ALDH7A1: variants seen among roughly 807,000 people sequenced by gnomAD.
The protein encoded by ALDH7A1 is alpha-aminoadipic semialdehyde dehydrogenase.
ALDH7A1 carries 63 observed loss-of-function variants against 79.9 expected under a neutral mutation model. That is an observed-to-expected ratio of 0.79 (90% CI 0.64 to 0.97). ALDH7A1 has a LOEUF of 0.97. ALDH7A1 is among the 50% of genes least tolerant of loss of function. The pLI is 0.00. For synonymous variants in ALDH7A1, 240 were observed against 231.2 expected, an observed-to-expected ratio of 1.04 and a Z score of -0.34; for missense variants, 627 against 665.2, an observed-to-expected ratio of 0.94 and a Z score of 0.63.
At chr5:126,578,540 G>T (rs1040931946) in intron 5 of ALDH7A1, among the ~76,000 whole-genome samples, 61 of 151,370 alleles carry the variant, frequency 4.0e-4, no homozygotes, top group African/African-American at 1.5e-3. Context: ...CTACTTGGGA[G>T]GCTGAGGAGA....
Position 126,555,996 on chromosome 5 carries a change from TG to T in ALDH7A1, c.1027del (p.His343MetfsTer5). The T allele has an allele frequency of 6.2e-7, 1 of 1,613,470 alleles. No homozygotes were observed. The highest frequency in any genetic ancestry group is 1.3e-5 in the African/African-American group (1 of 75,024). ...ARRLFIHESI[H>X]DEVVNRLKKA... ...TTTAAGTCTGTTTACAACCTCATCA[TG>T]GATGCTTTCATGTATAAACTAAACG... is the stretch of plus-strand genomic sequence containing the variant. On this transcript the variant is annotated frameshift_variant, in exon 12 of 18. Transcript: ENST00000409134. LOFTEE classifies it high-confidence loss of function.
At chr5:126,589,786 C>T (rs1056434303) in intron 3 of ALDH7A1, among the ~76,000 whole-genome samples, 2 of 149,816 alleles carry the variant, frequency 1.3e-5, no homozygotes, top group Admixed American at 6.6e-5. Flanking sequence ...AAGTGAGGAG[C>T]GCCTCTGCTC....
intron 5 of ALDH7A1, 84 bp downstream of exon 5, chr5:126,582,767 C>A (rs1411064853): frequency 4.0e-6 from 6 of 1,517,206 alleles, no homozygotes; most frequent in East Asian, 2.3e-5. Context: ...CTCTTTTGCA[C>A]AGTCAATAGC....
intron 11 of ALDH7A1, 32 bp downstream of exon 11, chr5:126,559,208 C>A (rs751720856): frequency 6.3e-7 from 1 of 1,579,986 alleles, no homozygotes; most frequent in Non-Finnish European, 8.7e-7. Context: ...GTTTTAAGAG[C>A]AAGACAATCG....
chr5:126,546,263 T>TTAA, intron 17 of ALDH7A1, 61 bp downstream of exon 17: 1 of 1,438,098 alleles, frequency 7.0e-7, no homozygotes, highest in Non-Finnish European at 9.8e-7. Context: ...AGTAGGAAAG[T>TTAA]GTAAAAGCCC....
intron 12 of ALDH7A1, 40 bp from the exon 13 acceptor site, chr5:126,554,433 T>C: frequency 8.4e-6 from 13 of 1,546,064 alleles, no homozygotes; most frequent in African/African-American, 1.4e-5. Flanking sequence ...CATTTTGCCC[T>C]TTATGGCATC....
chr5:126,573,924 G>A (rs1750869511), intron 7 of ALDH7A1, among the ~76,000 whole-genome samples: 1 of 149,568 alleles, frequency 6.7e-6, no homozygotes, highest in Non-Finnish European at 1.5e-5. Flanking sequence ...CAGCTACTCG[G>A]GAGGCTGAGA....
At chr5:126,546,922 G>A (rs559897022) in intron 16 of ALDH7A1, among the ~76,000 whole-genome samples, 3 of 152,304 alleles carry the variant, frequency 2.0e-5, no homozygotes, top group African/African-American at 7.2e-5. Flanking sequence ...TTTCTCATGA[G>A]AGGGAAAGAA....
At chr5:126,565,117 T>G (rs1750524128) in intron 9 of ALDH7A1, among the ~76,000 whole-genome samples, 1 of 152,100 alleles carries the variant, frequency 6.6e-6, no homozygotes, top group Non-Finnish European at 1.5e-5. Flanking sequence ...ATTCTAGGCC[T>G]GGTGCGGTGG....
chr5:126,574,639 G>A (rs1014412847), intron 7 of ALDH7A1, among the ~76,000 whole-genome samples: 1 of 151,702 alleles, frequency 6.6e-6, no homozygotes, highest in African/African-American at 2.4e-5. Context: ...AGCTTGCAGT[G>A]AGCCGAGATC....
intron 9 of ALDH7A1, among the ~76,000 whole-genome samples, chr5:126,565,567 C>G (rs1301543549): frequency 1.3e-5 from 2 of 152,062 alleles, no homozygotes; most frequent in African/African-American, 4.8e-5. Context: ...TTGTTCTTTT[C>G]ACTTTTTCCT....
chr5:126,577,756 G>C (rs1376489563), intron 5 of ALDH7A1, among the ~76,000 whole-genome samples: 2 of 151,750 alleles, frequency 1.3e-5, no homozygotes, highest in African/African-American at 4.8e-5. Flanking sequence ...AGTAGAGAAG[G>C]AGTTTCACCA....
chr5:126,542,116 G>A lies in ALDH7A1; in HGVS notation c.*2849C>T, dbSNP rs2127030004. 1.5e-5 allele frequency: 2 copies of A among 135,762 alleles called. No individual in the cohort carries two copies. 8.4% of individuals were successfully genotyped at this position (135,762 alleles called of 1,614,324 possible). A position where few individuals can be genotyped will look rare whatever the true frequency, so the allele number is the denominator to read the frequency against. ...TTTCCTCCAAAACAATCATTGGCAG[G>A]AAGCTTCTGCAGGATAAGCTCCAGG... is the stretch of plus-strand genomic sequence containing the variant. On this transcript the variant is annotated 3_prime_UTR_variant, in exon 18 of 18. Coordinates refer to ENST00000409134, the MANE Select transcript of ALDH7A1 (RefSeq NM_001182.5).
rs1331857054 is a variant in ALDH7A1 at position 126,595,043 on chromosome 5, C to G, written c.156G>C (p.Glu52Asp). ...CTCCCCAGCTTCCATTATACACGCC[C>G]TCGTTTTCCTCGCGGAGCCCCAGCT... ...LKELGLREEN[E>D]GVYNGSWGGR... is the part of the protein sequence containing the mutation. The change falls in exon 1 of 18, where the codon GAG becomes GAC. Residue 52 changes from glutamate to aspartate, a missense_variant. Glu to Asp is a conservative substitution (Grantham distance 45, BLOSUM62 2). Coordinates refer to ENST00000409134, the MANE Select transcript of ALDH7A1 (RefSeq NM_001182.5). 1.9e-6 allele frequency: 3 copies of G among 1,609,386 alleles called. No homozygotes were observed. The highest frequency in any genetic ancestry group is 2.5e-6 in the Non-Finnish European group (3 of 1,178,294).
At position 126,592,649 on chromosome 5, in the gene ALDH7A1, A is replaced by G. The variant is rs1386867089; in HGVS notation, c.312+15T>C. The G allele has an allele frequency of 3.7e-6, 6 of 1,612,422 alleles. No homozygotes were observed. Among genetic ancestry groups the G allele is most frequent in the Non-Finnish European group, 5.1e-6 (6 of 1,178,582 alleles). ...GTGATCTTTTCTGAATTCTAGAAAC[A>G]AAGGCCATACTTACATCTGCCCAGA... On this transcript the variant is annotated intron_variant, in intron 3 of 17. Transcript: ENST00000409134.
Position 126,584,111 on chromosome 5 carries a change from T to C in ALDH7A1, c.313-99A>G, listed in dbSNP as rs373933692. The C allele has an allele frequency of 3.8e-6, 4 of 1,050,308 alleles. No homozygotes were observed. The South Asian group carries it at 5.2e-5, about 14-fold the overall frequency. 65.1% of individuals were successfully genotyped at this position (1,050,308 alleles called of 1,614,324 possible). A position where few individuals can be genotyped will look rare whatever the true frequency, so the allele number is the denominator to read the frequency against. On this transcript the variant is annotated intron_variant, in intron 3 of 17. Coordinates refer to ENST00000409134, the MANE Select transcript of ALDH7A1 (RefSeq NM_001182.5). ...GCTGTAAAAGAACAAATTACAATCA[T>C]ATCAAAGAAGACTTTTGATCACATC...
chr5:126,565,152 C>T (rs747410156), intron 9 of ALDH7A1, among the ~76,000 whole-genome samples: 11 of 151,878 alleles, frequency 7.2e-5, no homozygotes, highest in South Asian at 2.1e-4. Flanking sequence ...CCCAGCACTT[C>T]GGGAGGCCAA....
At position 126,552,068 on chromosome 5, in the gene ALDH7A1, C is replaced by T. The variant is rs1463447902; in HGVS notation, c.1270G>A (p.Ala424Thr). Residue 424 changes from alanine (A) to threonine (T), a missense_variant, in exon 14 of 18, where the codon GCA (alanine) becomes ACA (threonine). Transcript: ENST00000409134. ...VTGLGHDASI[A>T]HTETFAPILY... ...ATCGGAGCAAAAGTCTCTGTGTGTG[C>T]AATGGACGCATCGTGGCCAAGACCT... is the stretch of plus-strand genomic sequence containing the variant. 13 of 1,614,002 alleles carry T rather than the reference C, an allele frequency of 8.1e-6. No homozygotes were observed. Among genetic ancestry groups the T allele is most frequent in the African/African-American group, 4.0e-5 (3 of 75,024 alleles).
At chr5:126,575,861 G>C (rs113305175) in intron 6 of ALDH7A1, among the ~76,000 whole-genome samples, 230 of 152,294 alleles carry the variant, frequency 1.5e-3, no homozygotes, top group African/African-American at 5.1e-3. Flanking sequence ...TAGAATGTTG[G>C]AAAACATGAG....
Sources: gnomAD v4.1 joint callset for allele counts (sites outside exome capture counted in the v4.1 genomes callset) on GRCh38, gnomAD v4.1.1 for gene constraint, MANE v1.5 for transcripts, NCBI Gene and HGNC (gene_info 2026-07-23, HGNC 2026-07-21) for gene names.